The following RPTOR variants were observed in gnomAD, a reference collection of about 807,000 sequenced individuals.
The protein encoded by RPTOR is regulatory associated protein of MTOR complex 1.
Under a neutral mutation model 169.9 loss-of-function variants are expected in RPTOR, and 21 were observed. That is an observed-to-expected ratio of 0.12 (90% CI 0.09 to 0.18). RPTOR has a LOEUF of 0.18. Among genes scored for constraint, RPTOR ranks in the 10% least tolerant of loss-of-function variants. The pLI is 1.00. For missense variants in RPTOR, 1,133 were observed against 1,855.9 expected (o/e 0.61, Z 7.16); for synonymous variants, 732 against 753.2 (o/e 0.97, Z 0.46).
At chr17:80,827,290 C>A (rs2067455192) in intron 9 of RPTOR, among the ~76,000 whole-genome samples, 1 of 152,234 alleles carries the variant, frequency 6.6e-6, no homozygotes, top group Non-Finnish European at 1.5e-5. Context: ...CCATCTAATC[C>A]TGTGTGACAG....
intron 3 of RPTOR, 132 bp downstream of exon 3, chr17:80,643,942 C>G (rs989111223): frequency 1.5e-6 from 1 of 687,174 alleles, no homozygotes; most frequent in Non-Finnish European, 2.4e-6. Flanking sequence ...CGCCTGCGCA[C>G]TGCGTTTCGT....
At chr17:80,753,169 T>G (rs1377194092) in intron 5 of RPTOR, among the ~76,000 whole-genome samples, 1 of 152,170 alleles carries the variant, frequency 6.6e-6, no homozygotes, top group Non-Finnish European at 1.5e-5. Context: ...CACTCGGGGA[T>G]GAGTGCTCGC....
intron 1 of RPTOR, among the ~76,000 whole-genome samples, chr17:80,556,422 G>A (rs2084409037): frequency 6.6e-6 from 1 of 152,088 alleles, no homozygotes; most frequent in Admixed American, 6.5e-5. Flanking sequence ...GAGGTGGGAG[G>A]ATAGCTTGAG....
chr17:80,903,187 C>T (rs1283811597), intron 20 of RPTOR, among the ~76,000 whole-genome samples: 4 of 152,248 alleles, frequency 2.6e-5, no homozygotes, highest in East Asian at 1.9e-4. Flanking sequence ...GTGGCAAGCG[C>T]CCTGCTCACC....
At chr17:80,594,685 G>T (rs1399075045) in intron 1 of RPTOR, among the ~76,000 whole-genome samples, 10 of 152,232 alleles carry the variant, frequency 6.6e-5, no homozygotes, top group Admixed American at 1.3e-4. Flanking sequence ...GAGAGAACCA[G>T]CCATTACTGA....
intron 30 of RPTOR, 61 bp from the exon 31 acceptor site, chr17:80,961,333 C>A (rs556241163): frequency 1.4e-6 from 2 of 1,478,210 alleles, no homozygotes; most frequent in African/African-American, 2.8e-5. Context: ...CGGTGAGAGC[C>A]CCGAAGGGTG....
chr17:80,906,727 G>A (rs1269616488), intron 20 of RPTOR, among the ~76,000 whole-genome samples: 2 of 152,190 alleles, frequency 1.3e-5, no homozygotes, highest in Non-Finnish European at 2.9e-5. Context: ...AGGCAGCACA[G>A]CAGCAGAGCG....
chr17:80,697,093 G>A (rs2066043353), intron 3 of RPTOR, among the ~76,000 whole-genome samples: 1 of 152,114 alleles, frequency 6.6e-6, no homozygotes, highest in South Asian at 2.1e-4. Flanking sequence ...GCAGAATGCA[G>A]ATGTGCCTAC....
At chr17:80,735,351 A>G (rs542707381) in intron 5 of RPTOR, among the ~76,000 whole-genome samples, 3 of 152,314 alleles carry the variant, frequency 2.0e-5, no homozygotes, top group Admixed American at 6.5e-5. Context: ...ATCCAGATAA[A>G]TGCCATAAGA....
rs376638038 is a variant in RPTOR, at chr17:80,855,561, G to A, written c.1398+14G>A. 134 of 1,589,872 alleles carry A rather than the reference G, an allele frequency of 8.4e-5. No individual in the cohort carries two copies. The highest frequency in any genetic ancestry group is 8.3e-4 in the Admixed American group (50 of 59,974). Reference sequence around the variant, plus strand: ...GCAGTGAGCCTGGTGCGTGCCTTCCGCATTAACCTGGGGGCTGAGGGAGGT... The same window carrying A: ...GCAGTGAGCCTGGTGCGTGCCTTCCACATTAACCTGGGGGCTGAGGGAGGT... On this transcript the variant is annotated intron_variant, in intron 12 of 33. Coordinates refer to ENST00000306801, the MANE Select transcript of RPTOR (RefSeq NM_020761.3).
chr17:80,617,460 C>T (rs2065320465), intron 1 of RPTOR, among the ~76,000 whole-genome samples: 1 of 152,174 alleles, frequency 6.6e-6, no homozygotes, highest in Non-Finnish European at 1.5e-5. Context: ...TCATGTAACA[C>T]TGTTTAATAT....
intron 25 of RPTOR, among the ~76,000 whole-genome samples, chr17:80,943,517 A>G (rs4508478): frequency 0.61 from 93,442 of 152,056 alleles, 29,148 homozygotes; most frequent in African/African-American, 0.71. Flanking sequence ...GTTCTACCCC[A>G]GATCGGGAGG....
Position 80,845,399 on chromosome 17 carries a change from C to A in RPTOR, c.1213-1074C>A, listed in dbSNP as rs2067717466. On this transcript the variant is annotated intron_variant, in intron 10 of 33. Coordinates refer to ENST00000306801, the MANE Select transcript of RPTOR (RefSeq NM_020761.3). The surrounding 1 kb of genome is among the most constrained non-coding windows in gnomAD (Gnocchi z 5.4). Reference sequence around the variant, plus strand: ...TGCAACCCCTCCTCCCGCCCTCACCCCAGAGAGTACCCTCGTTTCCCATTT... The same window carrying A: ...TGCAACCCCTCCTCCCGCCCTCACCACAGAGAGTACCCTCGTTTCCCATTT... Among the ~76,000 whole-genome samples the A allele has an allele frequency of 6.6e-6, 1 of 152,182 alleles. No homozygotes were observed. Among genetic ancestry groups the A allele is most frequent in the Non-Finnish European group, 1.5e-5 (1 of 68,020 alleles).
chr17:80,674,819 A>ACC (rs2065850383), intron 3 of RPTOR, among the ~76,000 whole-genome samples: 1 of 136,782 alleles, frequency 7.3e-6, no homozygotes, highest in East Asian at 2.2e-4. Context: ...AAAAAAAAAA[A>ACC]AAAAAACAAC....
At chr17:80,598,833 C>G (rs546565994) in intron 1 of RPTOR, among the ~76,000 whole-genome samples, 1 of 152,152 alleles carries the variant, frequency 6.6e-6, no homozygotes. Context: ...ACTGTTCAGA[C>G]GCTAGAAAAG....
At chr17:80,887,694 A>G (rs1448989343) in intron 17 of RPTOR, among the ~76,000 whole-genome samples, 2 of 152,152 alleles carry the variant, frequency 1.3e-5, no homozygotes, top group Non-Finnish European at 2.9e-5. Flanking sequence ...CTGCTTTTCC[A>G]TAAAAGCAAC....
rs116690497 is a variant in RPTOR at position 80,964,506 on chromosome 17, G to A, written c.*176G>A. 221 of 643,792 alleles carry A rather than the reference G, an allele frequency of 3.4e-4. No homozygotes were observed. The highest frequency in any genetic ancestry group is 2.0e-3 in the African/African-American group (108 of 55,376). 39.9% of individuals were successfully genotyped at this position (643,792 alleles called of 1,614,324 possible). ...CTCGCTTTTGTCTGTCTTCGCTGTCGTGTCTGGAATGTCAGGGAAGGGGAG... is the reference window on the plus strand; with the variant it reads ...CTCGCTTTTGTCTGTCTTCGCTGTCATGTCTGGAATGTCAGGGAAGGGGAG... On this transcript the variant is annotated 3_prime_UTR_variant, in exon 34 of 34. Coordinates refer to ENST00000306801, the MANE Select transcript of RPTOR (RefSeq NM_020761.3).
At chr17:80,800,279 G>A (rs1285641622) in intron 7 of RPTOR, among the ~76,000 whole-genome samples, 1 of 152,188 alleles carries the variant, frequency 6.6e-6, no homozygotes, top group African/African-American at 2.4e-5. Flanking sequence ...ACGTGGGGAG[G>A]TTTCGTTCCT....
chr17:80,673,071 C>T (rs565134794), intron 3 of RPTOR, among the ~76,000 whole-genome samples: 7 of 152,060 alleles, frequency 4.6e-5, no homozygotes, highest in African/African-American at 9.6e-5. Context: ...GGATTATAGG[C>T]GTGTGCCACC....
Sources: allele counts gnomAD v4.1 joint callset (sites outside exome capture counted in the v4.1 genomes callset), GRCh38; gene constraint gnomAD v4.1.1; non-coding constraint Gnocchi (gnomAD v3.1); transcripts MANE v1.5; gene names NCBI Gene and HGNC (gene_info 2026-07-23, HGNC 2026-07-21).